UBR1: variants seen among roughly 807,000 people sequenced by gnomAD.
UBR1 encodes the protein E3 ubiquitin-protein ligase UBR1.
In UBR1, 102 loss-of-function variants were observed where a neutral mutation model predicts 242.1. The observed-to-expected ratio is 0.42, with a 90% CI of 0.36 to 0.50. The LOEUF (loss-of-function observed/expected upper bound fraction) is 0.50. Ranked by LOEUF, UBR1 falls within the 20% of genes least tolerant of loss-of-function variation. The pLI is 0.01. For synonymous variants in UBR1, 675 were observed against 684.8 expected (o/e 0.99, Z 0.22); for missense variants, 1,772 against 2,101.8 (o/e 0.84, Z 3.07).
chr15:43,049,328 C>A (rs538328040), intron 12 of UBR1, among the ~76,000 whole-genome samples: 1 of 152,290 alleles, frequency 6.6e-6, no homozygotes, highest in Admixed American at 6.5e-5. Flanking sequence ...CTTTAGGAGG[C>A]CGAGGCAGGT....
chr15:43,021,338 C>T lies in UBR1; in HGVS notation c.2877G>A (p.Leu959=). 1 of 1,613,586 alleles carries T rather than the reference C, an allele frequency of 6.2e-7. No homozygotes were observed. Among genetic ancestry groups the T allele is most frequent in the Non-Finnish European group, 8.5e-7 (1 of 1,179,732 alleles). ...GSSAMNIQML[L]EKLKGIPQLE... ...ACTGGGGAATTCCTTTGAGTTTTTC[C>T]AAAAGCATTTGTATATTCATGGCTG... Residue 959 remains leucine (L), a synonymous_variant, in exon 27 of 47, where the codon TTG becomes TTA. Coordinates refer to ENST00000290650, the MANE Select transcript of UBR1 (RefSeq NM_174916.3).
Position 43,059,188 on chromosome 15 carries a change from G to A in UBR1, c.990C>T (p.Asp330=). The change falls in exon 9 of 47, where the codon GAC becomes GAT. Residue 330 remains aspartate, a synonymous_variant. Coordinates refer to ENST00000290650, the MANE Select transcript of UBR1 (RefSeq NM_174916.3). ...ATGCTTGGCAAAAGATCTGCCTAAA[G>A]TCACCTACAAACAAAAGAGGTCACA... ...WMNKIMSYSS[D]FRQIFCQACL... is the part of the protein sequence containing the mutation. 1 of 1,613,690 alleles carries A rather than the reference G, an allele frequency of 6.2e-7. No individual in the cohort carries two copies.
At chr15:43,011,142 A>G (rs1191084246) in intron 29 of UBR1, among the ~76,000 whole-genome samples, 1 of 151,936 alleles carries the variant, frequency 6.6e-6, no homozygotes, top group African/African-American at 2.4e-5. Flanking sequence ...GTGAAGAGCC[A>G]CTGCATTCTA....
At chr15:43,007,057 A>T in intron 30 of UBR1, 22 bp downstream of exon 30, 3 of 1,608,568 alleles carry the variant, frequency 1.9e-6, no homozygotes, top group Non-Finnish European at 2.6e-6. Flanking sequence ...GCACAAAAGG[A>T]TATTTATTAA....
intron 13 of UBR1, among the ~76,000 whole-genome samples, chr15:43,048,148 T>C (rs941378089): frequency 1.1e-4 from 16 of 151,174 alleles, no homozygotes; most frequent in African/African-American, 3.9e-4. Context: ...GATTGCACCA[T>C]TGCACTCCAG....
At chr15:43,020,505 C>T (rs909257210) in intron 27 of UBR1, among the ~76,000 whole-genome samples, 1 of 152,224 alleles carries the variant, frequency 6.6e-6, no homozygotes, top group Non-Finnish European at 1.5e-5. Flanking sequence ...CTGCAACAGT[C>T]TCCTAACAGT....
At chr15:43,015,174 G>T (rs2033001226) in intron 29 of UBR1, among the ~76,000 whole-genome samples, 1 of 152,254 alleles carries the variant, frequency 6.6e-6, no homozygotes, top group African/African-American at 2.4e-5. Flanking sequence ...GGGCCATGAT[G>T]ATAATGGTGG....
intron 6 of UBR1, among the ~76,000 whole-genome samples, chr15:43,063,067 T>G (rs1407913398): frequency 6.6e-6 from 1 of 152,224 alleles, no homozygotes; most frequent in Non-Finnish European, 1.5e-5. Flanking sequence ...TTCAATTGGG[T>G]GTACAACATT....
At chr15:43,047,660 GTATT>G (rs1262279512) in intron 13 of UBR1, among the ~76,000 whole-genome samples, 1 of 152,164 alleles carries the variant, frequency 6.6e-6, no homozygotes, top group Admixed American at 6.6e-5. Flanking sequence ...TGAATTAAGA[GTATT>G]TAGGAGATGT....
In UBR1 at chr15:43,047,273, C is replaced by A. The variant is rs777041521; in HGVS notation, c.1556G>T (p.Arg519Leu). 1 of 1,614,162 alleles carries A rather than the reference C, an allele frequency of 6.2e-7. No individual in the cohort carries two copies. Among genetic ancestry groups the A allele is most frequent in the South Asian group, 1.1e-5 (1 of 91,088 alleles). Residue 519 changes from arginine (R) to leucine (L), a missense_variant, in exon 14 of 47, where the codon CGA (arginine) becomes CTA (leucine). Arg to Leu is a moderately radical substitution (Grantham distance 102, BLOSUM62 -2). This residue lies in a region of UBR1 where 734 missense variants were observed against 893.3 expected (regional missense o/e 0.82). Transcript: ENST00000290650. ...TTCAATGTGTTGCCCAACCTGTCTT[C>A]GGATTTCTTCCATTCCCTGCAATTA... ...LTCMQGMEEI[R>L]RQVGQHIEVD...
chr15:42,986,175 G>A (rs373091720), intron 35 of UBR1, among the ~76,000 whole-genome samples: 4 of 151,824 alleles, frequency 2.6e-5, no homozygotes, highest in Non-Finnish European at 4.4e-5. Context: ...TTCAAAGGAC[G>A]CTTTGTTTTG....
rs1321282579 is a variant in UBR1 at position 43,024,988 on chromosome 15, A to C, written c.2585-5T>G. ...GAGGTGGTGGTGGCGGCAATGCTAT[A>C]GGAGGTGGGGAATGGATGGGGAAAG... On this transcript the variant is annotated splice_polypyrimidine_tract_variant and splice_region_variant and intron_variant, in intron 24 of 46. Transcript: ENST00000290650. 1.2e-6 allele frequency: 2 copies of C among 1,613,880 alleles called. No homozygotes were observed. Among genetic ancestry groups the C allele is most frequent in the African/African-American group, 1.3e-5 (1 of 74,938 alleles).
chr15:42,994,935 A>C (rs2032612896), intron 33 of UBR1, among the ~76,000 whole-genome samples: 1 of 152,232 alleles, frequency 6.6e-6, no homozygotes, highest in Non-Finnish European at 1.5e-5. Context: ...TCACTTGCTC[A>C]AAAATTTTTA....
At chr15:42,987,468 C>T (rs2141274901) in intron 35 of UBR1, among the ~76,000 whole-genome samples, 1 of 152,320 alleles carries the variant, frequency 6.6e-6, no homozygotes, top group East Asian at 1.9e-4. Context: ...GTAATCCCAG[C>T]ACTTTGGGAG....
rs182101602 is a variant in UBR1, at chr15:42,957,293, C to T, written c.4835+720G>A. Among the ~76,000 whole-genome samples, 674 of 152,180 alleles carry T rather than the reference C, an allele frequency of 4.4e-3. 9 individuals are homozygous for T. The highest frequency in any genetic ancestry group is 0.016 in the African/African-American group (646 of 41,520). On this transcript the variant is annotated intron_variant, in intron 44 of 46. Transcript: ENST00000290650. ...ACAAAAGGTCATATATTGTATCATT[C>T]CTTTCATATAATATATCCAGAATAG...
chr15:43,027,866 T>A (rs2033197656), intron 21 of UBR1, 38 bp from the exon 22 acceptor site: 2 of 1,498,998 alleles, frequency 1.3e-6, no homozygotes, highest in Admixed American at 3.4e-5. Flanking sequence ...TACCTTCATA[T>A]AATGACTTCC....
intron 14 of UBR1, among the ~76,000 whole-genome samples, chr15:43,045,252 G>A (rs981265864): frequency 1.3e-5 from 2 of 152,048 alleles, no homozygotes; most frequent in African/African-American, 4.8e-5. Flanking sequence ...TGGAAGTGAG[G>A]AGTTTGAGAC....
At chr15:43,089,989 C>A (rs1366037421) in intron 1 of UBR1, among the ~76,000 whole-genome samples, 1 of 152,096 alleles carries the variant, frequency 6.6e-6, no homozygotes, top group Non-Finnish European at 1.5e-5. Context: ...TGATGAAATG[C>A]AAATCAGATC....
intron 3 of UBR1, among the ~76,000 whole-genome samples, chr15:43,080,472 C>A (rs1431473919): frequency 1.3e-5 from 2 of 152,148 alleles, no homozygotes; most frequent in African/African-American, 4.8e-5. Context: ...GTAGCCTTTT[C>A]AGAATTGTTG....
Sources: allele counts gnomAD v4.1 joint callset (sites outside exome capture counted in the v4.1 genomes callset), GRCh38; gene constraint gnomAD v4.1.1; regional missense constraint gnomAD v4.1.1; transcripts MANE v1.5; gene names NCBI Gene and HGNC (gene_info 2026-07-23, HGNC 2026-07-21).